Variants in ABCG1 observed in about 807,000 individuals in gnomAD.
ABCG1 encodes the protein ATP-binding cassette sub-family G member 1.
Under a neutral mutation model 69.2 loss-of-function variants are expected in ABCG1, and 29 were observed. The ratio of observed to expected loss-of-function variants is 0.42; its 90% CI spans 0.31 to 0.57. The LOEUF is 0.57. ABCG1 is among the 20% of genes least tolerant of loss of function. The pLI, the probability that ABCG1 is intolerant of heterozygous loss-of-function variation, is 0.15. For synonymous variants in ABCG1, 370 were observed against 374.8 expected (o/e 0.99, Z 0.15); for missense variants, 718 against 898.1 (o/e 0.80, Z 2.56).
intron 4 of ABCG1, among the ~76,000 whole-genome samples, chr21:42,275,630 G>T (rs2068696295): frequency 1.3e-5 from 2 of 152,194 alleles, no homozygotes; most frequent in Non-Finnish European, 2.9e-5. Context: ...CTCAATGGCT[G>T]CATTCTCCAC....
At chr21:42,284,298 C>T (rs531478441) in intron 6 of ABCG1, among the ~76,000 whole-genome samples, 4 of 151,160 alleles carry the variant, frequency 2.6e-5, no homozygotes, top group Non-Finnish European at 5.9e-5. Flanking sequence ...CCCCCCCAGT[C>T]CTGGACTCTG....
intron 2 of ABCG1, among the ~76,000 whole-genome samples, chr21:42,270,623 G>T (rs1316085029): frequency 6.6e-6 from 1 of 152,084 alleles, no homozygotes; most frequent in Non-Finnish European, 1.5e-5. Context: ...TGCAGTAAGT[G>T]AATTATTAAT....
Position 42,290,298 on chromosome 21 carries a change from C to G in ABCG1, c.1393+80C>G. The G allele has an allele frequency of 2.0e-6, 3 of 1,464,128 alleles. No individual in the cohort carries two copies. The Admixed American group carries it at 6.5e-5, about 32-fold the overall frequency. 90.7% of individuals were successfully genotyped at this position (1,464,128 alleles called of 1,614,324 possible). On this transcript the variant is annotated intron_variant, in intron 11 of 14. Transcript: ENST00000398449. ...TGGGGGCCTGAAGTCACGCCTTGAC[C>G]AACAGATGAGTTTTCTAAACACAAT...
At chr21:42,231,194 T>C (rs1188183639) in intron 2 of ABCG1, among the ~76,000 whole-genome samples, 1 of 152,224 alleles carries the variant, frequency 6.6e-6, no homozygotes, top group African/African-American at 2.4e-5. Flanking sequence ...ATGGCGTGCT[T>C]TCTCTCCAAC....
At chr21:42,214,653 A>C (rs2067620672), upstream of ABCG1, among the ~76,000 whole-genome samples, 1 of 152,206 alleles carries the variant, frequency 6.6e-6, no homozygotes, top group African/African-American at 2.4e-5. Context: ...CACCACTGTC[A>C]GACAGGAGAG....
At chr21:42,232,549 C>G (rs1357961342) in intron 2 of ABCG1, among the ~76,000 whole-genome samples, 2 of 152,210 alleles carry the variant, frequency 1.3e-5, no homozygotes, top group Non-Finnish European at 2.9e-5. Context: ...TGTTCTTGAA[C>G]CATCTGGCCC....
At chr21:42,200,682 G>T (rs2067499604) in intron 1 of ABCG1, among the ~76,000 whole-genome samples, 1 of 150,828 alleles carries the variant, frequency 6.6e-6, no homozygotes, top group South Asian at 2.1e-4. Flanking sequence ...TCTGCTTCCT[G>T]GGTTCAAGTG....
At position 42,296,624 on chromosome 21, in the gene ABCG1, G is replaced by GTTTTTT; in HGVS notation, c.*240_*245dup. 2.3e-6 allele frequency: 1 copy of GTTTTTT among 433,906 alleles called. No homozygotes were observed. Among genetic ancestry groups the GTTTTTT allele is most frequent in the Non-Finnish European group, 4.2e-6 (1 of 236,966 alleles). The allele number at this position is 433,906 out of a possible 1,614,324, so 26.9% of individuals were successfully genotyped here. On this transcript the variant is annotated 3_prime_UTR_variant, in exon 15 of 15. Transcript: ENST00000398449. The surrounding 1 kb of genome is among the most constrained non-coding windows in gnomAD (Gnocchi z 5.4). ...CTAGGAAGATGTAGGCAGATTGGTG[G>GTTTTTT]TTTTTTTTTTTTTAACATACAGAAT... is the stretch of plus-strand genomic sequence containing the variant.
At chr21:42,294,253 G>A (rs976920869) in intron 13 of ABCG1, among the ~76,000 whole-genome samples, 1 of 152,176 alleles carries the variant, frequency 6.6e-6, no homozygotes, top group Admixed American at 6.5e-5. Context: ...CTGTTGAGGA[G>A]GGTGTGTCCC....
upstream of ABCG1, among the ~76,000 whole-genome samples, chr21:42,212,207 A>G (rs1325730195): frequency 1.3e-4 from 20 of 151,654 alleles, no homozygotes; most frequent in Admixed American, 1.3e-3. Flanking sequence ...ATGGACTGAG[A>G]CAGAAATTGG....
At chr21:42,265,917 T>C (rs1035896437) in intron 2 of ABCG1, among the ~76,000 whole-genome samples, 1 of 152,196 alleles carries the variant, frequency 6.6e-6, no homozygotes, top group African/African-American at 2.4e-5. Context: ...GGGATTAATC[T>C]ATAGGCCTCC....
At chr21:42,262,067 G>A (rs2839480) in intron 2 of ABCG1, among the ~76,000 whole-genome samples, 31,570 of 152,048 alleles carry the variant, frequency 0.21, 4,049 homozygotes, top group African/African-American at 0.36. Flanking sequence ...TGCTTATTAT[G>A]TTCTGCAGGT....
intron 2 of ABCG1, among the ~76,000 whole-genome samples, chr21:42,238,504 G>A (rs775050548): frequency 3.9e-5 from 6 of 152,298 alleles, no homozygotes; most frequent in African/African-American, 7.2e-5. Flanking sequence ...GTGTACTTGC[G>A]TGTACAAGAC....
chr21:42,276,980 G>C lies in ABCG1; in HGVS notation c.588+35G>C. 6.2e-7 allele frequency: 1 copy of C among 1,610,844 alleles called. No individual in the cohort carries two copies. Among genetic ancestry groups the C allele is most frequent in the Non-Finnish European group, 8.5e-7 (1 of 1,177,054 alleles). The stretch of plus-strand genomic sequence containing the variant: ...TTGTTTGGTGCCCACAAGTGGTCCA[G>C]AAAGTGCATGACGTGCATGTGGAAG... On this transcript the variant is annotated intron_variant, in intron 5 of 14. Coordinates refer to ENST00000398449, the MANE Select transcript of ABCG1 (RefSeq NM_016818.3). This position sits in a 1 kb window ranked among gnomAD's most constrained non-coding sequence, Gnocchi z 5.3.
intron 13 of ABCG1, among the ~76,000 whole-genome samples, chr21:42,294,272 TG>T (rs2069159702): frequency 1.3e-5 from 2 of 152,150 alleles, no homozygotes; most frequent in South Asian, 2.1e-4. Context: ...CCCACCTCTC[TG>T]GCCTGGGGAC....
At chr21:42,286,700 T>G (rs1296542039) in intron 8 of ABCG1, among the ~76,000 whole-genome samples, 1 of 152,116 alleles carries the variant, frequency 6.6e-6, no homozygotes, top group African/African-American at 2.4e-5. Flanking sequence ...AGGTGAGGTC[T>G]GAAGCCTGCA....
chr21:42,270,459 G>T (rs2068595995), intron 2 of ABCG1, among the ~76,000 whole-genome samples: 1 of 151,946 alleles, frequency 6.6e-6, no homozygotes, highest in Admixed American at 6.6e-5. Context: ...AAGCAGTTTG[G>T]TGTGGCTCCA....
intron 7 of ABCG1, 103 bp from the exon 8 acceptor site, chr21:42,285,777 C>T: frequency 1.2e-6 from 1 of 808,280 alleles, no homozygotes. Flanking sequence ...GCTGGGCTGA[C>T]TGATTGATCG....
At chr21:42,246,717 G>A (rs919231617) in intron 2 of ABCG1, among the ~76,000 whole-genome samples, 1 of 152,068 alleles carries the variant, frequency 6.6e-6, no homozygotes, top group Admixed American at 6.5e-5. Flanking sequence ...TATAGTCCAC[G>A]CTCCACATTT....
Sources: gnomAD v4.1 joint callset for allele counts (sites outside exome capture counted in the v4.1 genomes callset) on GRCh38, gnomAD v4.1.1 for gene constraint, Gnocchi (gnomAD v3.1) non-coding constraint, MANE v1.5 for transcripts, NCBI Gene and HGNC (gene_info 2026-07-23, HGNC 2026-07-21) for gene names.